SPOCK1: variants seen among roughly 807,000 people sequenced by gnomAD.
The protein encoded by SPOCK1 is SPARC (osteonectin), cwcv and kazal like domains proteoglycan 1, also known as testican-1.
SPOCK1 carries 23 observed loss-of-function variants against 55.3 expected under a neutral mutation model. The ratio of observed to expected loss-of-function variants is 0.42; its 90% CI spans 0.30 to 0.59. SPOCK1 has a LOEUF of 0.59. Ranked by LOEUF, SPOCK1 falls within the 20% of genes least tolerant of loss-of-function variation. The pLI is 0.22. For synonymous variants in SPOCK1, 226 were observed against 221.0 expected, an observed-to-expected ratio of 1.02 and a Z score of -0.20; for missense variants, 499 against 552.5, an observed-to-expected ratio of 0.90 and a Z score of 0.97.
intron 3 of SPOCK1, among the ~76,000 whole-genome samples, chr5:137,169,038 C>T (rs1754699710): frequency 6.6e-6 from 1 of 152,176 alleles, no homozygotes; most frequent in Non-Finnish European, 1.5e-5. Flanking sequence ...GAGATCTTGT[C>T]ATTTGCAACA....
chr5:137,289,229 T>G (rs1299730798), intron 2 of SPOCK1, among the ~76,000 whole-genome samples: 1 of 152,248 alleles, frequency 6.6e-6, no homozygotes, highest in East Asian at 1.9e-4. Context: ...TACTCTTGTT[T>G]AATAAATGAT....
chr5:137,263,925 A>G (rs1041299478), intron 3 of SPOCK1, among the ~76,000 whole-genome samples: 4 of 152,184 alleles, frequency 2.6e-5, no homozygotes, highest in Non-Finnish European at 5.9e-5. Context: ...ACTGCCTTAG[A>G]GTCAATTACA....
chr5:137,358,713 G>A (rs989140864), intron 2 of SPOCK1, among the ~76,000 whole-genome samples: 27 of 152,186 alleles, frequency 1.8e-4, no homozygotes, highest in Non-Finnish European at 7.3e-5. Flanking sequence ...AGGTGGCTGT[G>A]CATCTAAGAG....
rs1580727675 is a variant in SPOCK1, at chr5:137,054,768, T to G, written c.589+12947A>C. ...TTTAATCTAGATATTTATTAAGTAT[T>G]GCTCTAATTAAATTTGTAACAGACA... On this transcript the variant is annotated intron_variant, in intron 6 of 10. Transcript: ENST00000394945. Among the ~76,000 whole-genome samples, 3 of 152,338 alleles carry G rather than the reference T, an allele frequency of 2.0e-5. No individual in the cohort carries two copies. In the East Asian group the frequency reaches 5.8e-4, roughly 29 times the overall value.
At chr5:137,417,674 A>T (rs1319280207) in intron 2 of SPOCK1, among the ~76,000 whole-genome samples, 2 of 152,138 alleles carry the variant, frequency 1.3e-5, no homozygotes. Flanking sequence ...CATATTTTAG[A>T]TACATCTATT....
chr5:137,090,231 C>T (rs1018117458), intron 5 of SPOCK1, among the ~76,000 whole-genome samples: 1 of 152,226 alleles, frequency 6.6e-6, no homozygotes, highest in Middle Eastern at 3.2e-3. Context: ...TAATTTTTAG[C>T]AAAACAGCAA....
intron 3 of SPOCK1, among the ~76,000 whole-genome samples, chr5:137,239,464 A>T (rs930796269): frequency 3.3e-5 from 5 of 152,150 alleles, no homozygotes. Context: ...TGAACATGAG[A>T]CGGGAGGTGT....
chr5:137,136,009 T>C (rs991851887), intron 4 of SPOCK1, among the ~76,000 whole-genome samples: 3 of 152,266 alleles, frequency 2.0e-5, no homozygotes, highest in East Asian at 3.8e-4. Flanking sequence ...TCAAATCTTT[T>C]GTTGTACATG....
chr5:137,042,139 C>T (rs1447347033), intron 6 of SPOCK1, among the ~76,000 whole-genome samples: 1 of 152,060 alleles, frequency 6.6e-6, no homozygotes, highest in Non-Finnish European at 1.5e-5. Context: ...AATGAGCTAT[C>T]AAACTACAAA....
chr5:137,232,630 A>G (rs1239836950), intron 3 of SPOCK1, among the ~76,000 whole-genome samples: 1 of 152,190 alleles, frequency 6.6e-6, no homozygotes, highest in Non-Finnish European at 1.5e-5. Context: ...CTCCTACTTT[A>G]TTCTTCTTTG....
chr5:137,283,481 A>C (rs1757203536), intron 2 of SPOCK1, among the ~76,000 whole-genome samples: 1 of 152,224 alleles, frequency 6.6e-6, no homozygotes. Context: ...TGGGAGGCCG[A>C]GGTGGGCAGA....
chr5:137,015,179 T>C lies in SPOCK1; in HGVS notation c.590-22579A>G, dbSNP rs542369091. 2.4e-4 allele frequency among the ~76,000 whole-genome samples: 36 copies of C among 152,030 alleles called. No individual in the cohort carries two copies. In the East Asian group the frequency reaches 6.4e-3, roughly 27 times the overall value. ...AGAGCAGGCCAGGCACGGTGGCCCA[T>C]GCCTGTAATCCCAGGACTTTGGGAG... On this transcript the variant is annotated intron_variant, in intron 6 of 10. Coordinates refer to ENST00000394945, the MANE Select transcript of SPOCK1 (RefSeq NM_004598.4).
intron 5 of SPOCK1, 53 bp downstream of exon 5, chr5:137,112,382 G>C (rs998318172): frequency 1.3e-6 from 2 of 1,597,268 alleles, no homozygotes; most frequent in Admixed American, 1.7e-5. Context: ...AGAAGTGTTA[G>C]AACAAGCCGA....
intron 2 of SPOCK1, among the ~76,000 whole-genome samples, chr5:137,424,221 A>C (rs1412182708): frequency 1.3e-5 from 2 of 152,158 alleles, no homozygotes; most frequent in Non-Finnish European, 2.9e-5. Context: ...TCTCTAAAAA[A>C]AACTTTTAAA....
Position 137,424,099 on chromosome 5 carries a change from G to T in SPOCK1, c.186+74274C>A, listed in dbSNP as rs186395076. Among the ~76,000 whole-genome samples the T allele has an allele frequency of 5.2e-4, 79 of 152,188 alleles. No homozygotes were observed. In the Middle Eastern group the frequency reaches 0.02, roughly 39 times the overall value. On this transcript the variant is annotated intron_variant, in intron 2 of 10. Coordinates refer to ENST00000394945, the MANE Select transcript of SPOCK1 (RefSeq NM_004598.4). ...ATCTTTGTAAAAACAAACAAAATAAGCCAGGCATGGTGGCGCACACCTGTA... is the reference window on the plus strand; with the variant it reads ...ATCTTTGTAAAAACAAACAAAATAATCCAGGCATGGTGGCGCACACCTGTA...
chr5:137,141,537 A>G (rs982750575), intron 3 of SPOCK1, among the ~76,000 whole-genome samples: 2 of 152,234 alleles, frequency 1.3e-5, no homozygotes, highest in Non-Finnish European at 2.9e-5. Flanking sequence ...GAGGGGGAAA[A>G]GCTTACACAT....
chr5:137,447,812 T>C (rs1753161313), intron 2 of SPOCK1, among the ~76,000 whole-genome samples: 1 of 152,148 alleles, frequency 6.6e-6, no homozygotes, highest in Non-Finnish European at 1.5e-5. Context: ...TCCACCTCTA[T>C]AAAGCCAGCC....
At chr5:137,289,070 G>T (rs73291371) in intron 2 of SPOCK1, among the ~76,000 whole-genome samples, 1 of 152,258 alleles carries the variant, frequency 6.6e-6, no homozygotes, top group Admixed American at 6.5e-5. Flanking sequence ...TATTGACTAC[G>T]TAACCTTAGA....
intron 3 of SPOCK1, among the ~76,000 whole-genome samples, chr5:137,146,833 G>T (rs1280204658): frequency 6.6e-6 from 1 of 152,142 alleles, no homozygotes; most frequent in African/African-American, 2.4e-5. Flanking sequence ...CCAAACAAAG[G>T]GCCTATTAGA....
Sources: gnomAD v4.1 joint callset for allele counts (sites outside exome capture counted in the v4.1 genomes callset) on GRCh38, gnomAD v4.1.1 for gene constraint, MANE v1.5 for transcripts, NCBI Gene and HGNC (gene_info 2026-07-23, HGNC 2026-07-21) for gene names.